Variants in S100Z observed in about 807,000 individuals in gnomAD.
S100Z encodes protein S100-Z.
Under a neutral mutation model 8.5 loss-of-function variants are expected in S100Z, and 11 were observed. The ratio of observed to expected loss-of-function variants is 1.30; its 90% CI spans 0.82 to 2.15. S100Z has a LOEUF of 2.15. Ranked by LOEUF, S100Z falls within the 30% of genes most tolerant of loss-of-function variation. The probability of loss-of-function intolerance (pLI) is 0.00; values close to 1 mark genes in which losing one functional copy is unlikely to be tolerated. For missense variants in S100Z, 126 were observed against 117.9 expected (o/e 1.07, Z -0.32); for synonymous variants, 34 against 43.8 (o/e 0.78, Z 0.89).
chr5:76,859,711 G>A (rs978109895), intron 1 of S100Z, among the ~76,000 whole-genome samples: 2 of 142,254 alleles, frequency 1.4e-5, no homozygotes, highest in African/African-American at 5.2e-5. Flanking sequence ...GAACCCGGAA[G>A]TGGAGGTTGT....
At chr5:76,875,917 G>T (rs1185458623) in intron 3 of S100Z, among the ~76,000 whole-genome samples, 1 of 152,230 alleles carries the variant, frequency 6.6e-6, no homozygotes, top group East Asian at 1.9e-4. Flanking sequence ...TTCATGCTAT[G>T]GTGGCAAATT....
intron 4 of S100Z, among the ~76,000 whole-genome samples, chr5:76,893,023 G>A (rs879415362): frequency 3.4e-4 from 51 of 152,114 alleles, no homozygotes; most frequent in African/African-American, 9.9e-4. Context: ...GAGACTTATC[G>A]TTGTAGCTCT....
At chr5:76,915,442 A>G (rs973221461) in intron 4 of S100Z, among the ~76,000 whole-genome samples, 1 of 151,802 alleles carries the variant, frequency 6.6e-6, no homozygotes, top group Admixed American at 6.6e-5. Context: ...TCTCCACTAA[A>G]AAAAATACAA....
At chr5:76,856,680 A>C (rs1750890648) in intron 1 of S100Z, among the ~76,000 whole-genome samples, 1 of 152,254 alleles carries the variant, frequency 6.6e-6, no homozygotes, top group Non-Finnish European at 1.5e-5. Flanking sequence ...TTAAGTATAA[A>C]AGCAAGATAG....
chr5:76,865,600 T>C (rs916468848), intron 1 of S100Z, among the ~76,000 whole-genome samples: 3 of 151,404 alleles, frequency 2.0e-5, no homozygotes, highest in Non-Finnish European at 4.4e-5. Flanking sequence ...AAATTAAAAA[T>C]AGAAAAAACT....
intron 1 of S100Z, among the ~76,000 whole-genome samples, chr5:76,862,063 T>C (rs747508124): frequency 2.0e-5 from 3 of 152,176 alleles, no homozygotes; most frequent in African/African-American, 2.4e-5. Context: ...ATTACTTCTC[T>C]TCTTCTGGTG....
At chr5:76,936,305 C>T in the S100Z span, among the ~76,000 whole-genome samples, 1 of 151,516 alleles carries the variant, frequency 6.6e-6, no homozygotes, top group Non-Finnish European at 1.5e-5. Flanking sequence ...TGAAAAATAA[C>T]AATAAAAACG....
At position 76,877,729 on chromosome 5, in the gene S100Z, A is replaced by G; in HGVS notation, c.197A>G (p.Lys66Arg). ...ATAGTGCAGGACCTGGATGCCAATA[A>G]GGACAACGAAGTGGATTTTAATGAA... ...DKIVQDLDAN[K>R]DNEVDFNEFV... Residue 66 changes from lysine (K) to arginine (R), a missense_variant, in exon 4 of 5, where the codon AAG becomes AGG. Lys to Arg is a conservative substitution (Grantham distance 26). Coordinates refer to ENST00000317593, the MANE Select transcript of S100Z (RefSeq NM_130772.4). 6.2e-7 allele frequency: 1 copy of G among 1,611,968 alleles called. No homozygotes were observed. The highest frequency in any genetic ancestry group is 8.5e-7 in the Non-Finnish European group (1 of 1,178,016).
chr5:76,877,875 G>A, intron 4 of S100Z, 41 bp downstream of exon 4: 1 of 1,398,306 alleles, frequency 7.2e-7, no homozygotes, highest in Non-Finnish European at 1.0e-6. Context: ...TATATCCAAA[G>A]TTATGTACTT....
At chr5:76,851,624 G>A (rs571036952) in intron 1 of S100Z, among the ~76,000 whole-genome samples, 1 of 152,262 alleles carries the variant, frequency 6.6e-6, no homozygotes, top group Admixed American at 6.5e-5. Context: ...CCCCTCTGGG[G>A]TAGAGGAAGA....
chr5:76,875,640 A>G, intron 3 of S100Z, 140 bp downstream of exon 3: 1 of 728,136 alleles, frequency 1.4e-6, no homozygotes, highest in Non-Finnish European at 2.2e-6. Flanking sequence ...AATATAGGGG[A>G]AGCAAACACT....
intron 4 of S100Z, among the ~76,000 whole-genome samples, chr5:76,905,347 A>G (rs375388683): frequency 1.3e-5 from 2 of 151,294 alleles, no homozygotes; most frequent in African/African-American, 4.9e-5. Flanking sequence ...ATTTCTTGAA[A>G]ATTTTTTTAC....
At chr5:76,926,737 C>T in the S100Z span, among the ~76,000 whole-genome samples, 6 of 152,160 alleles carry the variant, frequency 3.9e-5, no homozygotes, top group Non-Finnish European at 5.9e-5. Flanking sequence ...TCGTGAAGCC[C>T]AGATTAAAAT....
the S100Z span, among the ~76,000 whole-genome samples, chr5:76,946,270 T>C: frequency 6.6e-6 from 1 of 152,224 alleles, no homozygotes; most frequent in Non-Finnish European, 1.5e-5. Context: ...TTATTCCCAG[T>C]GTTCCTGGGC....
chr5:76,916,103 G>C (rs1342963186), intron 4 of S100Z, among the ~76,000 whole-genome samples: 1 of 149,722 alleles, frequency 6.7e-6, no homozygotes, highest in Non-Finnish European at 1.5e-5. Flanking sequence ...GGAGGTTGCA[G>C]TGAGCCGAGA....
At chr5:76,865,904 AC>A (rs1310702052) in intron 1 of S100Z, among the ~76,000 whole-genome samples, 2 of 150,924 alleles carry the variant, frequency 1.3e-5, no homozygotes, top group African/African-American at 4.9e-5. Flanking sequence ...AATCCCAGCT[AC>A]TCAGGAGGCT....
chr5:76,919,694 A>G (rs1744977415), intron 4 of S100Z, among the ~76,000 whole-genome samples: 1 of 149,492 alleles, frequency 6.7e-6, no homozygotes, highest in South Asian at 2.1e-4. Context: ...GCTGCCTCAA[A>G]TTCCTGGGTT....
At chr5:76,907,431 G>C (rs1744495343) in intron 4 of S100Z, among the ~76,000 whole-genome samples, 1 of 152,040 alleles carries the variant, frequency 6.6e-6, no homozygotes, top group Non-Finnish European at 1.5e-5. Flanking sequence ...AGCCTCCCAA[G>C]TAGCTGGGAC....
intron 4 of S100Z, among the ~76,000 whole-genome samples, chr5:76,889,965 T>C (rs1439385396): frequency 6.6e-6 from 1 of 152,248 alleles, no homozygotes; most frequent in Non-Finnish European, 1.5e-5. Context: ...GTTTGAGATG[T>C]GACTGACAAT....
Sources: allele counts gnomAD v4.1 joint callset (sites outside exome capture counted in the v4.1 genomes callset), GRCh38; gene constraint gnomAD v4.1.1; transcripts MANE v1.5; gene names NCBI Gene and HGNC (gene_info 2026-07-23, HGNC 2026-07-21).